The following IPCEF1 variants were observed in gnomAD, a reference collection of about 807,000 sequenced individuals.
IPCEF1 encodes interaction protein for cytohesin exchange factors 1, also known as interactor protein for cytohesin exchange factors 1.
In IPCEF1, 31 loss-of-function variants were observed where a neutral mutation model predicts 50.9. That is an observed-to-expected ratio of 0.61 (90% CI 0.46 to 0.82). The LOEUF (loss-of-function observed/expected upper bound fraction) is 0.82. Among genes scored for constraint, IPCEF1 ranks in the 40% least tolerant of loss-of-function variants. The probability of loss-of-function intolerance (pLI) is 0.00; values close to 1 mark genes in which losing one functional copy is unlikely to be tolerated. For missense variants in IPCEF1, 458 were observed against 514.0 expected, an observed-to-expected ratio of 0.89 and a Z score of 1.05; for synonymous variants, 181 against 192.0, an observed-to-expected ratio of 0.94 and a Z score of 0.47.
chr6:154,186,090 C>T (rs1311009768), intron 10 of IPCEF1, among the ~76,000 whole-genome samples: 4 of 152,176 alleles, frequency 2.6e-5, no homozygotes, highest in African/African-American at 9.7e-5. Context: ...TCTCAATTAG[C>T]CACAATTCTT....
chr6:154,219,976 C>T (rs1042235510), intron 7 of IPCEF1, among the ~76,000 whole-genome samples: 5 of 139,576 alleles, frequency 3.6e-5, no homozygotes, highest in Non-Finnish European at 7.6e-5. Flanking sequence ...TGAGCGGATA[C>T]CTGTAAGGAG....
At chr6:154,179,160 AAAAACAGACCC>A (rs1352533730) in intron 10 of IPCEF1, among the ~76,000 whole-genome samples, 1 of 152,146 alleles carries the variant, frequency 6.6e-6, no homozygotes, top group Non-Finnish European at 1.5e-5. Context: ...ATCACAGGAC[AAAAACAGACCC>A]AAAAGGTACA....
intron 1 of IPCEF1, among the ~76,000 whole-genome samples, chr6:154,300,146 G>A (rs767065059): frequency 7.1e-6 from 1 of 141,708 alleles, no homozygotes; most frequent in Non-Finnish European, 1.6e-5. Context: ...CTTCATGAAA[G>A]CTGAAATGCA....
chr6:154,240,612 T>C (rs1651066273), intron 5 of IPCEF1, among the ~76,000 whole-genome samples: 1 of 152,250 alleles, frequency 6.6e-6, no homozygotes, highest in South Asian at 2.1e-4. Flanking sequence ...TAACATTTTC[T>C]ACATGGGTAA....
At chr6:154,288,676 CAAAAAAAAAAAAAAAA>C (rs558703057) in intron 2 of IPCEF1, among the ~76,000 whole-genome samples, 1,920 of 46,972 alleles carry the variant, frequency 0.041, 53 homozygotes, top group African/African-American at 0.11. Flanking sequence ...ACAAAAAAAA[CAAAAAAAAAAAAAAAA>C]AAAAAAAAAA....
rs1381807212 is a variant in IPCEF1, at chr6:154,157,807, G to A, written c.*2021C>T. On this transcript the variant is annotated 3_prime_UTR_variant, in exon 12 of 12. Transcript: ENST00000367220. ...GCCAATCCTAAATAATTTCCCTTCTGGTATCTGCTAATCACAGAAAGAATC... is the reference window on the plus strand; with the variant it reads ...GCCAATCCTAAATAATTTCCCTTCTAGTATCTGCTAATCACAGAAAGAATC... 6.6e-6 allele frequency: 1 copy of A among 152,140 alleles called. No homozygotes were observed. The highest frequency in any genetic ancestry group is 1.5e-5 in the Non-Finnish European group (1 of 68,040). The allele number at this position is 152,140 out of a possible 1,614,324, so 9.4% of individuals were successfully genotyped here.
intron 10 of IPCEF1, among the ~76,000 whole-genome samples, chr6:154,193,061 C>T (rs1471446343): frequency 6.6e-6 from 1 of 152,174 alleles, no homozygotes; most frequent in Admixed American, 6.5e-5. Flanking sequence ...AAGAAGGATA[C>T]TTGCATGCAT....
intron 2 of IPCEF1, among the ~76,000 whole-genome samples, chr6:154,278,863 C>T (rs1331687368): frequency 6.6e-6 from 1 of 151,398 alleles, no homozygotes; most frequent in Non-Finnish European, 1.5e-5. Context: ...TGCCTGTAAT[C>T]CCAGCACTTT....
chr6:154,165,975 T>A (rs1799393612), intron 11 of IPCEF1, among the ~76,000 whole-genome samples: 1 of 152,194 alleles, frequency 6.6e-6, no homozygotes, highest in African/African-American at 2.4e-5. Flanking sequence ...ATAATTAACA[T>A]GCAGGAGTTT....
At chr6:154,340,825 C>T (rs1175781164) in intron 1 of IPCEF1, among the ~76,000 whole-genome samples, 2 of 147,218 alleles carry the variant, frequency 1.4e-5, no homozygotes, top group African/African-American at 5.0e-5. Flanking sequence ...GCAGAGGTTG[C>T]GGTGAGCAAA....
chr6:154,217,678 T>C lies in IPCEF1; in HGVS notation c.393-3402A>G, dbSNP rs531175598. On this transcript the variant is annotated intron_variant, in intron 7 of 11. Coordinates refer to ENST00000367220, the MANE Select transcript of IPCEF1 (RefSeq NM_001130700.2). ...GCATTTAAAAGTTCATTTTTTAAAATTGACCAGGCAAAACATAACAATTTC... is the reference window on the plus strand; with the variant it reads ...GCATTTAAAAGTTCATTTTTTAAAACTGACCAGGCAAAACATAACAATTTC... Among the ~76,000 whole-genome samples the C allele has an allele frequency of 7.2e-5, 11 of 152,318 alleles. No homozygotes were observed. The East Asian group carries it at 1.3e-3, about 19-fold the overall frequency.
At chr6:154,309,629 T>C (rs1166320724) in intron 1 of IPCEF1, among the ~76,000 whole-genome samples, 2 of 152,018 alleles carry the variant, frequency 1.3e-5, no homozygotes, top group Non-Finnish European at 2.9e-5. Flanking sequence ...CTGTCCTGTA[T>C]TTTTTTTCAT....
intron 10 of IPCEF1, 61 bp downstream of exon 10, chr6:154,199,607 C>G (rs7341264): frequency 0.12 from 178,266 of 1,441,842 alleles, 12,746 homozygotes; most frequent in African/African-American, 0.26. Flanking sequence ...ATTAATATTA[C>G]AGTTCCATAT....
chr6:154,283,864 A>C (rs1444052981), intron 2 of IPCEF1, among the ~76,000 whole-genome samples: 1 of 152,242 alleles, frequency 6.6e-6, no homozygotes, highest in East Asian at 1.9e-4. Flanking sequence ...CATTTTAGAC[A>C]TGTTTGTTTA....
At chr6:154,313,563 AG>A (rs998277566) in intron 1 of IPCEF1, among the ~76,000 whole-genome samples, 1 of 152,178 alleles carries the variant, frequency 6.6e-6, no homozygotes, top group Admixed American at 6.5e-5. Context: ...TATTAAAGAA[AG>A]ATGTTTTGGT....
intron 7 of IPCEF1, among the ~76,000 whole-genome samples, chr6:154,215,569 G>A (rs1778329016): frequency 6.6e-6 from 1 of 152,048 alleles, no homozygotes; most frequent in African/African-American, 2.4e-5. Context: ...TCATGCCACT[G>A]CACTCCAGCC....
intron 2 of IPCEF1, among the ~76,000 whole-genome samples, chr6:154,274,342 C>A (rs1781987354): frequency 6.6e-6 from 1 of 152,142 alleles, no homozygotes; most frequent in Admixed American, 6.5e-5. Context: ...TGGAGACTGG[C>A]AGGCCTCTTC....
chr6:154,329,545 C>T (rs560986658), intron 1 of IPCEF1, among the ~76,000 whole-genome samples: 15 of 151,266 alleles, frequency 9.9e-5, no homozygotes, highest in African/African-American at 2.4e-4. Flanking sequence ...GAGCCATGAC[C>T]GCGCCACTGC....
chr6:154,313,031 C>A (rs916459219), intron 1 of IPCEF1, among the ~76,000 whole-genome samples: 1 of 132,284 alleles, frequency 7.6e-6, no homozygotes, highest in African/African-American at 2.9e-5. Context: ...GAGCCGAAAT[C>A]AACCCCACTG....
Sources: allele counts gnomAD v4.1 joint callset (sites outside exome capture counted in the v4.1 genomes callset), GRCh38; gene constraint gnomAD v4.1.1; transcripts MANE v1.5; gene names NCBI Gene and HGNC (gene_info 2026-07-23, HGNC 2026-07-21).